Variants in EPHA6 observed in about 807,000 individuals in gnomAD.
EPHA6 encodes EPH receptor A6, also known as ephrin type-A receptor 6.
A neutral mutation model predicts 112.0 loss-of-function variants in EPHA6; 50 were observed. The observed-to-expected ratio is 0.45, with a 90% confidence interval of 0.36 to 0.56. The LOEUF is 0.56. Among genes scored for constraint, EPHA6 ranks in the 20% least tolerant of loss-of-function variants. EPHA6 has a pLI of 0.00. For missense variants in EPHA6, 1,280 were observed against 1,417.4 expected, an observed-to-expected ratio of 0.90 and a Z score of 1.56; for synonymous variants, 529 against 490.7, an observed-to-expected ratio of 1.08 and a Z score of -1.03.
chr3:97,237,377 T>G (rs1251635016), intron 4 of EPHA6, among the ~76,000 whole-genome samples: 1 of 152,052 alleles, frequency 6.6e-6, no homozygotes, highest in Non-Finnish European at 1.5e-5. Context: ...TCACTTGAGT[T>G]TGATGGAGTT....
intron 5 of EPHA6, among the ~76,000 whole-genome samples, chr3:97,272,346 A>C (rs1447022409): frequency 6.6e-6 from 1 of 151,590 alleles, no homozygotes. Context: ...ATACATATGC[A>C]CACAGTCATG....
At chr3:97,518,294 A>C (rs1482027473) in intron 10 of EPHA6, among the ~76,000 whole-genome samples, 1 of 152,140 alleles carries the variant, frequency 6.6e-6, no homozygotes, top group Non-Finnish European at 1.5e-5. Context: ...ATCAGGTAAC[A>C]TCTCCGTGTG....
At chr3:97,197,479 G>A (rs1285130643) in intron 3 of EPHA6, among the ~76,000 whole-genome samples, 1 of 151,954 alleles carries the variant, frequency 6.6e-6, no homozygotes, top group Admixed American at 6.6e-5. Flanking sequence ...CTGGGAGCTA[G>A]GGCCTGGAAT....
At chr3:96,904,287 A>T (rs2038794591) in intron 2 of EPHA6, among the ~76,000 whole-genome samples, 1 of 151,970 alleles carries the variant, frequency 6.6e-6, no homozygotes, top group Non-Finnish European at 1.5e-5. Flanking sequence ...ATAAAAAATG[A>T]TGAGTTCATG....
chr3:96,853,370 A>G (rs1033895986), intron 1 of EPHA6, among the ~76,000 whole-genome samples: 1 of 151,952 alleles, frequency 6.6e-6, no homozygotes, highest in African/African-American at 2.4e-5. Flanking sequence ...CCTATATTTA[A>G]CTTCAAAGAT....
At chr3:97,015,515 T>C (rs1297959528) in intron 3 of EPHA6, among the ~76,000 whole-genome samples, 2 of 152,232 alleles carry the variant, frequency 1.3e-5, no homozygotes, top group Non-Finnish European at 2.9e-5. Context: ...AAAGAATAAG[T>C]GTTGTAAGGG....
chr3:97,439,530 GACA>G (rs912344177), intron 6 of EPHA6: 5 of 608,932 alleles, frequency 8.2e-6, no homozygotes, highest in Admixed American at 1.2e-4. Context: ...TGCGAGAAAA[GACA>G]ACAACTCTGT....
At chr3:97,446,379 G>A (rs1416229845) in intron 6 of EPHA6, among the ~76,000 whole-genome samples, 2 of 152,064 alleles carry the variant, frequency 1.3e-5, no homozygotes, top group Non-Finnish European at 2.9e-5. Flanking sequence ...CACTTTTGTA[G>A]GTAACAACAA....
intron 3 of EPHA6, among the ~76,000 whole-genome samples, chr3:97,209,629 G>A (rs2077812144): frequency 6.6e-6 from 1 of 152,124 alleles, no homozygotes; most frequent in Non-Finnish European, 1.5e-5. Context: ...AGTAAAAATT[G>A]TATAGTTATA....
At chr3:97,558,816 T>C (rs573373319) in intron 11 of EPHA6, among the ~76,000 whole-genome samples, 30 of 151,880 alleles carry the variant, frequency 2.0e-4, no homozygotes, top group African/African-American at 6.5e-4. Flanking sequence ...ACAAAGAAAA[T>C]CCAGAGTTAG....
chr3:97,304,009 G>A lies in EPHA6; in HGVS notation c.1606+59722G>A, dbSNP rs149915078. On this transcript the variant is annotated intron_variant, in intron 5 of 17. Transcript: ENST00000389672. ...ATTTTACTGTCTTTGTAGCAGTTGT[G>A]AATGGGAGTTCATTTATGATTTGGC... Among the ~76,000 whole-genome samples, 1,349 of 152,022 alleles carry A rather than the reference G, an allele frequency of 8.9e-3. 8 individuals carry two copies. Among genetic ancestry groups the A allele is most frequent in the Non-Finnish European group, 0.015 (1,002 of 67,944 alleles).
intron 6 of EPHA6, among the ~76,000 whole-genome samples, chr3:97,419,111 C>G (rs1254414628): frequency 6.6e-6 from 1 of 152,034 alleles, no homozygotes; most frequent in African/African-American, 2.4e-5. Context: ...TTAACACCTG[C>G]CTGACCAGTA....
At chr3:97,363,479 T>C (rs1311740485) in intron 5 of EPHA6, among the ~76,000 whole-genome samples, 1 of 151,560 alleles carries the variant, frequency 6.6e-6, no homozygotes, top group Non-Finnish European at 1.5e-5. Context: ...AAGTCTCTTT[T>C]AGCAAATCAA....
At chr3:96,958,815 A>G (rs1473246505) in intron 2 of EPHA6, among the ~76,000 whole-genome samples, 27 of 152,174 alleles carry the variant, frequency 1.8e-4, no homozygotes, top group Admixed American at 1.7e-3. Context: ...GGACTCACTC[A>G]TGTTATTGAG....
rs544479842 is a variant in EPHA6 at position 97,084,946 on chromosome 3, C to T, written c.1114+96953C>T. Among the ~76,000 whole-genome samples the T allele has an allele frequency of 5.9e-5, 9 of 152,156 alleles. No homozygotes were observed. In the East Asian group the frequency reaches 1.7e-3, roughly 29 times the overall value. On this transcript the variant is annotated intron_variant, in intron 3 of 17. Transcript: ENST00000389672. Reference sequence around the variant, plus strand: ...GTCAAGAATAATATTTTGAAAAGGTCTTAGAATTTCTTAGCCAAATATTTA... The same window carrying T: ...GTCAAGAATAATATTTTGAAAAGGTTTTAGAATTTCTTAGCCAAATATTTA...
intron 2 of EPHA6, among the ~76,000 whole-genome samples, chr3:96,877,352 G>T (rs1371689223): frequency 6.6e-6 from 1 of 152,042 alleles, no homozygotes; most frequent in African/African-American, 2.4e-5. Flanking sequence ...GGAATGGAAA[G>T]ATATTGACCT....
chr3:96,962,027 C>T (rs1440212012), intron 2 of EPHA6, among the ~76,000 whole-genome samples: 1 of 152,102 alleles, frequency 6.6e-6, no homozygotes, highest in Non-Finnish European at 1.5e-5. Flanking sequence ...TCACATAAAA[C>T]ACGTCTCATG....
intron 13 of EPHA6, among the ~76,000 whole-genome samples, chr3:97,617,706 G>A (rs973909812): frequency 1.3e-5 from 2 of 152,128 alleles, no homozygotes; most frequent in Non-Finnish European, 2.9e-5. Flanking sequence ...TAATGGTAAA[G>A]GGTTCAATTC....
intron 3 of EPHA6, among the ~76,000 whole-genome samples, chr3:97,007,417 G>T (rs1275013968): frequency 2.2e-5 from 3 of 133,710 alleles, no homozygotes; most frequent in African/African-American, 8.5e-5. Flanking sequence ...CAGAGATTAG[G>T]ATTGCGGTCC....
Sources: gnomAD v4.1 joint callset for allele counts (sites outside exome capture counted in the v4.1 genomes callset) on GRCh38, gnomAD v4.1.1 for gene constraint, MANE v1.5 for transcripts, NCBI Gene and HGNC (gene_info 2026-07-23, HGNC 2026-07-21) for gene names.